The following AFTPH variants were observed in gnomAD, a reference collection of about 807,000 sequenced individuals.
AFTPH encodes the protein aftiphilin protein.
A neutral mutation model predicts 72.5 loss-of-function variants in AFTPH; 7 were observed. That is an observed-to-expected ratio of 0.10 (90% CI 0.05 to 0.18). The LOEUF is 0.18. Ranked by LOEUF, AFTPH falls within the 10% of genes least tolerant of loss-of-function variation. The pLI is 1.00. For missense variants in AFTPH, 979 were observed against 1,060.5 expected, an observed-to-expected ratio of 0.92 and a Z score of 1.07; for synonymous variants, 337 against 370.1, an observed-to-expected ratio of 0.91 and a Z score of 1.03.
chr2:64,555,958 G>A (rs1471696872), intron 2 of AFTPH, among the ~76,000 whole-genome samples: 4 of 151,372 alleles, frequency 2.6e-5, no homozygotes, highest in South Asian at 2.1e-4. Flanking sequence ...TAGTTGCTCC[G>A]GACAGTGTTT....
chr2:64,550,478 AT>A (rs1670960644), intron 1 of AFTPH, among the ~76,000 whole-genome samples: 2 of 152,210 alleles, frequency 1.3e-5, no homozygotes, highest in Non-Finnish European at 1.5e-5. Flanking sequence ...GTATTGTGTG[AT>A]TCTATTTATA....
At chr2:64,569,545 A>G in intron 4 of AFTPH, 78 bp from the exon 5 acceptor site, 2 of 1,492,954 alleles carry the variant, frequency 1.3e-6, no homozygotes, top group South Asian at 2.3e-5. Flanking sequence ...AACACATCTC[A>G]AGCATATTTG....
chr2:64,551,340 C>T (rs1455950373), intron 1 of AFTPH, 103 bp from the exon 2 acceptor site: 1 of 845,034 alleles, frequency 1.2e-6, no homozygotes, highest in East Asian at 2.7e-5. Flanking sequence ...CAAAATAGAG[C>T]ATTGTAAATT....
At chr2:64,558,273 A>G (rs535078553) in intron 2 of AFTPH, among the ~76,000 whole-genome samples, 1 of 152,344 alleles carries the variant, frequency 6.6e-6, no homozygotes, top group East Asian at 1.9e-4. Context: ...TACTTAAGTC[A>G]TTACTTAATA....
At chr2:64,542,848 A>G (rs1161118333) in intron 1 of AFTPH, among the ~76,000 whole-genome samples, 4 of 152,228 alleles carry the variant, frequency 2.6e-5, no homozygotes, top group African/African-American at 4.8e-5. Context: ...GTTTTGTTAC[A>G]GATAGGTTAT....
chr2:64,541,108 T>C, intron 1 of AFTPH, among the ~76,000 whole-genome samples: 1 of 152,052 alleles, frequency 6.6e-6, no homozygotes, highest in Non-Finnish European at 1.5e-5. Context: ...TATTTCTTCA[T>C]CTTTAAAATG....
At chr2:64,546,202 T>TG (rs1346136251) in intron 1 of AFTPH, among the ~76,000 whole-genome samples, 1 of 151,990 alleles carries the variant, frequency 6.6e-6, no homozygotes. Context: ...CCTTTTTTTT[T>TG]TAATGGTAAC....
At chr2:64,551,766 G>T in exon 2 of AFTPH, 1 of 1,613,584 alleles carries the variant, frequency 6.2e-7, no homozygotes, top group East Asian at 2.2e-5. Context: ...TGAACTTTCT[G>T]CTCCTGTGAA....
rs772390455 is a variant in AFTPH, at chr2:64,572,929, T to A, written c.2272-17T>A. 6.2e-6 allele frequency: 10 copies of A among 1,613,956 alleles called. No individual in the cohort carries two copies. In the South Asian group the frequency reaches 9.9e-5, roughly 16 times the overall value. On this transcript the variant is annotated splice_polypyrimidine_tract_variant and intron_variant, in intron 5 of 8. Transcript: ENST00000238856. ...GTGCACCCCCATCCCCATTAAAGGC[T>A]AATATTCCTTTTTCAGGGTATGTTA...
At chr2:64,590,405 TATATCACATCAGAA>T (rs1673756313) in intron 8 of AFTPH, among the ~76,000 whole-genome samples, 1 of 152,204 alleles carries the variant, frequency 6.6e-6, no homozygotes, top group Non-Finnish European at 1.5e-5. Context: ...TCCTAGGTGT[TATATCACATCAGAA>T]GATCCATACA....
At chr2:64,561,857 A>C (rs983137077) in intron 2 of AFTPH, among the ~76,000 whole-genome samples, 2 of 152,228 alleles carry the variant, frequency 1.3e-5, no homozygotes, top group African/African-American at 4.8e-5. Context: ...AAAACAATGA[A>C]TTGTAGTGTT....
chr2:64,572,791 G>A (rs947893777), intron 5 of AFTPH, among the ~76,000 whole-genome samples, 155 bp from the exon 6 acceptor site: 3 of 124,866 alleles, frequency 2.4e-5, no homozygotes, highest in African/African-American at 1.2e-4. Flanking sequence ...CAACTAGTGA[G>A]ACCTTGTCTC....
intron 1 of AFTPH, among the ~76,000 whole-genome samples, chr2:64,549,713 A>G (rs1298291473): frequency 6.6e-6 from 1 of 152,128 alleles, no homozygotes; most frequent in Non-Finnish European, 1.5e-5. Context: ...AAAAGAAGCT[A>G]TTACAAATTA....
chr2:64,583,404 TG>T (rs200590967), intron 7 of AFTPH, among the ~76,000 whole-genome samples: 5 of 149,776 alleles, frequency 3.3e-5, no homozygotes, highest in African/African-American at 4.9e-5. Flanking sequence ...ATCATAGTTT[TG>T]GGGGGGGTTT....
intron 2 of AFTPH, among the ~76,000 whole-genome samples, chr2:64,560,359 T>C (rs1180630427): frequency 6.6e-6 from 1 of 152,146 alleles, no homozygotes; most frequent in Non-Finnish European, 1.5e-5. Flanking sequence ...TTTTTGCTTT[T>C]CCAGAAACCA....
chr2:64,592,265 GATTT>G (rs1488941649), exon 9 of AFTPH: 3 of 357,542 alleles, frequency 8.4e-6, no homozygotes, highest in African/African-American at 6.3e-5. Flanking sequence ...CATTTTTGAA[GATTT>G]ATTCTTTTTG....
chr2:64,529,978 AC>A (rs1177320926), intron 1 of AFTPH, among the ~76,000 whole-genome samples: 1 of 152,042 alleles, frequency 6.6e-6, no homozygotes, highest in Non-Finnish European at 1.5e-5. Context: ...ACATGGTGAA[AC>A]CCCGTCTCTT....
exon 9 of AFTPH, chr2:64,592,056 TC>T: frequency 6.2e-7 from 1 of 1,604,292 alleles, no homozygotes; most frequent in Non-Finnish European, 8.5e-7. Flanking sequence ...TTGGACAGTT[TC>T]TATTGCTTTT....
intron 8 of AFTPH, among the ~76,000 whole-genome samples, chr2:64,591,493 G>A (rs1019657670): frequency 2.0e-5 from 3 of 152,212 alleles, no homozygotes; most frequent in African/African-American, 7.2e-5. Flanking sequence ...AGCGGGTGGA[G>A]GGGCAGGGAA....
Sources: allele counts gnomAD v4.1 joint callset (sites outside exome capture counted in the v4.1 genomes callset), GRCh38; gene constraint gnomAD v4.1.1; transcripts MANE v1.5; gene names NCBI Gene and HGNC (gene_info 2026-07-23, HGNC 2026-07-21).